The following ADGRL3 variants were observed in gnomAD, a reference collection of about 807,000 sequenced individuals.
ADGRL3 encodes the protein calcium-independent alpha-latrotoxin receptor 3.
ADGRL3 carries 62 observed loss-of-function variants against 153.5 expected under a neutral mutation model. That is an observed-to-expected ratio of 0.40 (90% CI 0.33 to 0.50). The LOEUF (loss-of-function observed/expected upper bound fraction) is 0.50, where lower values mean the gene tolerates loss of function less well. Ranked by LOEUF, ADGRL3 falls within the 20% of genes least tolerant of loss-of-function variation. The probability of loss-of-function intolerance (pLI) is 0.47; values close to 1 mark genes in which losing one functional copy is unlikely to be tolerated. For missense variants in ADGRL3, 1,641 were observed against 1,859.4 expected (o/e 0.88, Z 2.16); for synonymous variants, 710 against 672.5 (o/e 1.06, Z -0.86).
At chr4:61,616,733 G>A (rs1031629297) in intron 5 of ADGRL3, among the ~76,000 whole-genome samples, 7 of 152,094 alleles carry the variant, frequency 4.6e-5, no homozygotes, top group Admixed American at 4.6e-4. Flanking sequence ...TATATGATGT[G>A]CCTAATATAA....
chr4:61,481,399 G>A (rs75206492), intron 2 of ADGRL3, among the ~76,000 whole-genome samples: 1,796 of 152,114 alleles, frequency 0.012, 39 homozygotes, highest in African/African-American at 0.041. Flanking sequence ...AAAATTATTC[G>A]ACTCTAAAAG....
chr4:61,326,698 T>C (rs1443136836), intron 1 of ADGRL3, among the ~76,000 whole-genome samples: 1 of 151,710 alleles, frequency 6.6e-6, no homozygotes, highest in Non-Finnish European at 1.5e-5. Context: ...ACCTAAATTT[T>C]TGTTGGAAAA....
intron 9 of ADGRL3, among the ~76,000 whole-genome samples, chr4:61,887,325 A>G (rs1207826076): frequency 3.9e-5 from 6 of 152,124 alleles, no homozygotes; most frequent in Admixed American, 3.9e-4. Context: ...AGGAAGACTT[A>G]TAATTATATA....
At chr4:61,843,238 T>G (rs550049610) in intron 9 of ADGRL3, among the ~76,000 whole-genome samples, 2 of 152,302 alleles carry the variant, frequency 1.3e-5, no homozygotes, top group African/African-American at 4.8e-5. Context: ...GGATATAAAC[T>G]TATAGATATG....
At chr4:61,552,816 C>G (rs2098746423) in intron 4 of ADGRL3, among the ~76,000 whole-genome samples, 1 of 152,112 alleles carries the variant, frequency 6.6e-6, no homozygotes, top group Non-Finnish European at 1.5e-5. Context: ...ACTTTGTATA[C>G]TTAAAATATC....
At chr4:62,043,623 A>C (rs964374018) in intron 24 of ADGRL3, among the ~76,000 whole-genome samples, 1 of 152,090 alleles carries the variant, frequency 6.6e-6, no homozygotes, top group Non-Finnish European at 1.5e-5. Context: ...TGTTTCTTAT[A>C]ACTATTTCAG....
At chr4:61,447,489 A>C (rs1406538763) in intron 2 of ADGRL3, among the ~76,000 whole-genome samples, 1 of 152,198 alleles carries the variant, frequency 6.6e-6, no homozygotes, top group East Asian at 1.9e-4. Flanking sequence ...TTGACGAATT[A>C]TGAAAACATG....
chr4:61,287,431 G>A (rs1264973239), intron 1 of ADGRL3, among the ~76,000 whole-genome samples: 1 of 151,806 alleles, frequency 6.6e-6, no homozygotes, highest in East Asian at 1.9e-4. Flanking sequence ...TCTTAAAACA[G>A]TAGAAAAATT....
chr4:61,935,078 G>T (rs1303256097), intron 14 of ADGRL3, 55 bp downstream of exon 14: 3 of 1,494,472 alleles, frequency 2.0e-6, no homozygotes. Context: ...TCAGAAGAGG[G>T]AAAAGAAAAA....
chr4:61,991,821 T>C, intron 19 of ADGRL3, among the ~76,000 whole-genome samples: 1 of 150,642 alleles, frequency 6.6e-6, no homozygotes, highest in East Asian at 1.9e-4. Context: ...TCTGTCCTTC[T>C]TTTTTGCCCA....
At chr4:61,753,745 T>TA (rs2096785540) in intron 8 of ADGRL3, among the ~76,000 whole-genome samples, 1 of 152,194 alleles carries the variant, frequency 6.6e-6, no homozygotes, top group South Asian at 2.1e-4. Context: ...TCTATCAAAG[T>TA]AAGACTAATT....
intron 25 of ADGRL3, among the ~76,000 whole-genome samples, chr4:62,062,283 A>T (rs1740643680): frequency 6.6e-6 from 1 of 151,882 alleles, no homozygotes; most frequent in Non-Finnish European, 1.5e-5. Context: ...CCATTTTCTA[A>T]TTGAAGAGTT....
chr4:61,656,505 C>A (rs931560823), intron 5 of ADGRL3, among the ~76,000 whole-genome samples: 3 of 152,010 alleles, frequency 2.0e-5, no homozygotes, highest in Non-Finnish European at 4.4e-5. Context: ...AGCTTTGAAA[C>A]CACAGGTAAA....
chr4:61,762,778 T>C (rs2096928147), intron 8 of ADGRL3, among the ~76,000 whole-genome samples: 1 of 152,180 alleles, frequency 6.6e-6, no homozygotes, highest in Admixed American at 6.5e-5. Context: ...AAATCTCTTA[T>C]TTTTTAATAA....
intron 3 of ADGRL3, among the ~76,000 whole-genome samples, chr4:61,498,254 A>C (rs1013200336): frequency 6.6e-6 from 1 of 152,168 alleles, no homozygotes; most frequent in Non-Finnish European, 1.5e-5. Context: ...CAAACAAATA[A>C]AAAATCAAAA....
At chr4:61,712,747 T>G (rs1027674115) in intron 6 of ADGRL3, among the ~76,000 whole-genome samples, 6 of 152,228 alleles carry the variant, frequency 3.9e-5, no homozygotes, top group Non-Finnish European at 8.8e-5. Context: ...GGTCACCTAT[T>G]TAAATTCAAA....
chr4:61,698,826 T>G (rs2095692859), intron 6 of ADGRL3, among the ~76,000 whole-genome samples: 1 of 152,200 alleles, frequency 6.6e-6, no homozygotes, highest in Non-Finnish European at 1.5e-5. Context: ...CTTAAAATTA[T>G]GTAAATAGAA....
chr4:62,015,548 C>A (rs2099207447), intron 21 of ADGRL3, among the ~76,000 whole-genome samples: 1 of 152,100 alleles, frequency 6.6e-6, no homozygotes, highest in South Asian at 2.1e-4. Flanking sequence ...TAATAGTCAT[C>A]ATCACAGTGC....
chr4:61,576,590 T>A (rs2098885315), intron 4 of ADGRL3, among the ~76,000 whole-genome samples: 2 of 146,908 alleles, frequency 1.4e-5, no homozygotes, highest in Non-Finnish European at 3.0e-5. Flanking sequence ...ATTTAGCATC[T>A]AGTGTGCAGT....
Sources: allele counts gnomAD v4.1 joint callset (sites outside exome capture counted in the v4.1 genomes callset), GRCh38; gene constraint gnomAD v4.1.1; transcripts MANE v1.5; gene names NCBI Gene and HGNC (gene_info 2026-07-23, HGNC 2026-07-21).